TCF7L1: variants seen among roughly 807,000 people sequenced by gnomAD.
The protein encoded by TCF7L1 is transcription factor 7-like 1.
Under a neutral mutation model 63.7 loss-of-function variants are expected in TCF7L1, and 18 were observed. The observed-to-expected ratio is 0.28, with a 90% CI of 0.20 to 0.42. The LOEUF (loss-of-function observed/expected upper bound fraction) is 0.42. TCF7L1 is among the 10% of genes least tolerant of loss of function. The pLI, the probability that TCF7L1 is intolerant of heterozygous loss-of-function variation, is 1.00. For missense variants in TCF7L1, 654 were observed against 779.3 expected (o/e 0.84, Z 1.91); for synonymous variants, 355 against 340.9 (o/e 1.04, Z -0.46).
intron 3 of TCF7L1, among the ~76,000 whole-genome samples, chr2:85,136,356 A>G (rs1352373856): frequency 2.6e-5 from 4 of 152,004 alleles, no homozygotes; most frequent in Admixed American, 2.6e-4. Context: ...CTATCACATT[A>G]TGTGTTCTTT....
intron 3 of TCF7L1, among the ~76,000 whole-genome samples, chr2:85,165,079 A>G (rs1450104937): frequency 6.6e-6 from 1 of 152,184 alleles, no homozygotes; most frequent in East Asian, 1.9e-4. Flanking sequence ...GGGCTTCCCT[A>G]GCCTACCAAG....
chr2:85,196,594 G>A (rs745541188), intron 3 of TCF7L1, among the ~76,000 whole-genome samples: 2 of 151,150 alleles, frequency 1.3e-5, no homozygotes, highest in African/African-American at 2.4e-5. Context: ...GGTATTAAAC[G>A]TTTGACCCCA....
intron 4 of TCF7L1, among the ~76,000 whole-genome samples, chr2:85,283,992 CTGTTTTTGTTTT>C (rs548206677): frequency 4.1e-4 from 63 of 152,276 alleles, no homozygotes; most frequent in African/African-American, 1.2e-3. Context: ...AGAGGCTCTT[CTGTTTTTGTTTT>C]TGTTTTTGTT....
intron 3 of TCF7L1, among the ~76,000 whole-genome samples, chr2:85,270,587 G>C (rs1394394134): frequency 2.6e-5 from 4 of 152,196 alleles, no homozygotes; most frequent in South Asian, 2.1e-4. Flanking sequence ...TAGCAAGAAA[G>C]AGTGCCATGG....
In TCF7L1 at chr2:85,309,638, C is replaced by A; in HGVS notation, c.*176C>A. 1 of 534,512 alleles carries A rather than the reference C, an allele frequency of 1.9e-6. No individual in the cohort carries two copies. Among genetic ancestry groups the A allele is most frequent in the Non-Finnish European group, 3.0e-6 (1 of 333,356 alleles). The allele number at this position is 534,512 out of a possible 1,614,324, so 33.1% of individuals were successfully genotyped here. A position where few individuals can be genotyped will look rare whatever the true frequency, so the allele number is the denominator to read the frequency against. On this transcript the variant is annotated 3_prime_UTR_variant, in exon 12 of 12. Transcript: ENST00000282111. ...ATGTAACCAGTAGCTGATCTTAAGG[C>A]TTTTTTAAAAAACAAAACAAAACAA...
intron 3 of TCF7L1, among the ~76,000 whole-genome samples, chr2:85,259,064 A>G (rs1680794067): frequency 1.3e-5 from 2 of 152,176 alleles, no homozygotes; most frequent in African/African-American, 4.8e-5. Flanking sequence ...TTTGGGACAG[A>G]AGCCCTGTCC....
At chr2:85,145,505 A>G (rs773762547) in intron 3 of TCF7L1, among the ~76,000 whole-genome samples, 2 of 152,226 alleles carry the variant, frequency 1.3e-5, no homozygotes, top group Non-Finnish European at 2.9e-5. Flanking sequence ...TCCCCTCTGT[A>G]AATTCCAAAA....
At chr2:85,305,642 G>C (rs1284584616) in intron 8 of TCF7L1, among the ~76,000 whole-genome samples, 4 of 152,102 alleles carry the variant, frequency 2.6e-5, no homozygotes, top group African/African-American at 9.7e-5. Context: ...TTACTGTCAG[G>C]TCTCAGAGGC....
rs144707613 is a variant in TCF7L1 at position 85,231,376 on chromosome 2, A to C, written c.442-52119A>C. ...ATGATCAATTGTTGGCTGAGATGAC[A>C]GAGTTATCTGGTCCAACTATTTGTT... On this transcript the variant is annotated intron_variant, in intron 3 of 11. Transcript: ENST00000282111. Among the ~76,000 whole-genome samples, 1,084 of 152,356 alleles carry C rather than the reference A, an allele frequency of 7.1e-3. 6 individuals carry two copies. The highest frequency in any genetic ancestry group is 0.014 in the South Asian group (67 of 4,832).
At chr2:85,273,441 T>C (rs1370781384) in intron 3 of TCF7L1, among the ~76,000 whole-genome samples, 6 of 152,252 alleles carry the variant, frequency 3.9e-5, no homozygotes, top group Admixed American at 3.3e-4. Flanking sequence ...TCACTCATTA[T>C]AAGAGTAATG....
chr2:85,134,535 T>G lies in TCF7L1; in HGVS notation c.441+85T>G. The G allele has an allele frequency of 9.5e-6, 14 of 1,468,958 alleles. No homozygotes were observed. Among genetic ancestry groups the G allele is most frequent in the African/African-American group, 2.8e-5 (2 of 70,474 alleles). 91.0% of individuals were successfully genotyped at this position (1,468,958 alleles called of 1,614,324 possible). On this transcript the variant is annotated intron_variant, in intron 3 of 11. Coordinates refer to ENST00000282111, the MANE Select transcript of TCF7L1 (RefSeq NM_031283.3). The surrounding 1 kb of genome is among the most constrained non-coding windows in gnomAD (Gnocchi z 5.0). ...CCGGGCTTGGCCATGGAGTGGGGGA[T>G]GGGGCCTTCTGCGCCGATCCCAAGC...
At chr2:85,156,673 C>A (rs1057476236) in intron 3 of TCF7L1, among the ~76,000 whole-genome samples, 1 of 152,226 alleles carries the variant, frequency 6.6e-6, no homozygotes, top group African/African-American at 2.4e-5. Context: ...TCCATGAGCA[C>A]ATTTCAAGGC....
chr2:85,268,599 G>T (rs1681066868), intron 3 of TCF7L1, among the ~76,000 whole-genome samples: 1 of 150,682 alleles, frequency 6.6e-6, no homozygotes. Context: ...CCGCCACCAT[G>T]CCCGGCTAGT....
At chr2:85,190,972 G>A (rs2104264298) in intron 3 of TCF7L1, among the ~76,000 whole-genome samples, 1 of 152,292 alleles carries the variant, frequency 6.6e-6, no homozygotes, top group East Asian at 1.9e-4. Context: ...GAGGGCTGCT[G>A]CCAGCATTAA....
intron 3 of TCF7L1, among the ~76,000 whole-genome samples, chr2:85,239,141 G>C (rs1680264913): frequency 6.6e-6 from 1 of 152,102 alleles, no homozygotes; most frequent in African/African-American, 2.4e-5. Flanking sequence ...GAAAAGAGAT[G>C]GAAGGAAGGG....
intron 4 of TCF7L1, among the ~76,000 whole-genome samples, chr2:85,292,428 G>A (rs1270233667): frequency 6.6e-6 from 1 of 152,112 alleles, no homozygotes; most frequent in Non-Finnish European, 1.5e-5. Flanking sequence ...TTAACTTTCT[G>A]TGATGTTTTA....
chr2:85,228,864 A>G (rs1680011408), intron 3 of TCF7L1, among the ~76,000 whole-genome samples: 1 of 150,256 alleles, frequency 6.7e-6, no homozygotes, highest in Admixed American at 6.6e-5. Flanking sequence ...AAAAAAAAAT[A>G]CAAAAAATTA....
At chr2:85,144,034 G>T (rs1007290458) in intron 3 of TCF7L1, among the ~76,000 whole-genome samples, 34 of 152,200 alleles carry the variant, frequency 2.2e-4, no homozygotes, top group African/African-American at 8.2e-4. Context: ...ATTGGTGAGG[G>T]TTGGAAGAAT....
chr2:85,296,812 A>G (rs1413979151), intron 4 of TCF7L1, among the ~76,000 whole-genome samples: 1 of 152,240 alleles, frequency 6.6e-6, no homozygotes, highest in Admixed American at 6.5e-5. Context: ...GCTGATAGAT[A>G]CAGAGAAAAA....
Sources: gnomAD v4.1 joint callset for allele counts (sites outside exome capture counted in the v4.1 genomes callset) on GRCh38, gnomAD v4.1.1 for gene constraint, Gnocchi (gnomAD v3.1) non-coding constraint, MANE v1.5 for transcripts, NCBI Gene and HGNC (gene_info 2026-07-23, HGNC 2026-07-21) for gene names.